Variants in MTMR3 observed in about 807,000 individuals in gnomAD.
MTMR3 encodes myotubularin related protein 3, also known as phosphatidylinositol-3,5-bisphosphate 3-phosphatase MTMR3.
MTMR3 carries 32 observed loss-of-function variants against 132.4 expected under a neutral mutation model. The observed-to-expected ratio is 0.24, with a 90% confidence interval of 0.18 to 0.32. The LOEUF (loss-of-function observed/expected upper bound fraction) is 0.32, where lower values mean the gene tolerates loss of function less well. Ranked by LOEUF, MTMR3 falls within the 10% of genes least tolerant of loss-of-function variation. The pLI is 1.00. For synonymous variants in MTMR3, 556 were observed against 550.3 expected, an observed-to-expected ratio of 1.01 and a Z score of -0.14; for missense variants, 1,216 against 1,489.6, an observed-to-expected ratio of 0.82 and a Z score of 3.02.
chr22:29,900,751 G>T (rs1297732086), intron 1 of MTMR3, among the ~76,000 whole-genome samples: 1 of 152,136 alleles, frequency 6.6e-6, no homozygotes, highest in East Asian at 1.9e-4. Flanking sequence ...GTCTCACTCT[G>T]TCACCCAGGG....
At chr22:29,946,225 A>G (rs1016766862) in intron 1 of MTMR3, among the ~76,000 whole-genome samples, 1 of 152,226 alleles carries the variant, frequency 6.6e-6, no homozygotes, top group Admixed American at 6.5e-5. Context: ...TGGAATACCT[A>G]GAACAACTGT....
chr22:30,019,840 C>A lies in MTMR3; in HGVS notation c.2181C>A (p.Ser727Arg). The A allele has an allele frequency of 6.2e-7, 1 of 1,614,162 alleles. No homozygotes were observed. Among genetic ancestry groups the A allele is most frequent in the Non-Finnish European group, 8.5e-7 (1 of 1,180,016 alleles). Residue 727 changes from serine (S) to arginine (R), a missense_variant, in exon 17 of 20, where the codon AGC becomes AGA. Around this residue, in one of 7 missense-constraint regions of MTMR3, gnomAD observed 852 missense variants for 852.0 expected, o/e 1.00. Coordinates refer to ENST00000401950, the MANE Select transcript of MTMR3 (RefSeq NM_021090.4). Reference sequence around the variant, plus strand: ...AGGACCCTCTCTTAGAAAAGGAGAGCAGGAGGAAGACACCTGAGGCCTCAG... The same window carrying A: ...AGGACCCTCTCTTAGAAAAGGAGAGAAGGAGGAAGACACCTGAGGCCTCAG... ...GKEDPLLEKE[S>R]RRKTPEASAI...
Position 30,025,806 on chromosome 22 carries a change from C to T in MTMR3, c.*5C>T, listed in dbSNP as rs754355752. On this transcript the variant is annotated 3_prime_UTR_variant, in exon 20 of 20. Transcript: ENST00000401950. ...ATTGCTGCCACTTCCAACTGAAGCT[C>T]AGTGACCTGGGTGGGCAGTGGCCAA... The T allele has an allele frequency of 3.1e-6, 5 of 1,613,790 alleles. No individual in the cohort carries two copies. Among genetic ancestry groups the T allele is most frequent in the Non-Finnish European group, 4.2e-6 (5 of 1,180,012 alleles).
At chr22:29,976,526 C>G (rs2066632843) in intron 3 of MTMR3, among the ~76,000 whole-genome samples, 1 of 152,156 alleles carries the variant, frequency 6.6e-6, no homozygotes, top group Non-Finnish European at 1.5e-5. Flanking sequence ...AAAAAGACTT[C>G]TACTTAAGGG....
intron 2 of MTMR3, among the ~76,000 whole-genome samples, chr22:29,959,576 A>G (rs1215292830): frequency 6.6e-6 from 1 of 151,804 alleles, no homozygotes; most frequent in Non-Finnish European, 1.5e-5. Context: ...ACGGGGTTTC[A>G]CTATGTTGGC....
intron 12 of MTMR3, chr22:30,011,896 T>A (rs762625602): frequency 3.7e-4 from 57 of 155,248 alleles, no homozygotes; most frequent in Non-Finnish European, 7.7e-4. Flanking sequence ...ATCCAGCTTA[T>A]GTCTCATAGA....
In MTMR3 at chr22:30,007,078, A is replaced by G. The variant is rs2067288456; in HGVS notation, c.672-36A>G. 2.2e-5 allele frequency: 35 copies of G among 1,608,010 alleles called. No homozygotes were observed. In the East Asian group the frequency reaches 7.6e-4, roughly 35 times the overall value. ...TTTGTGTGAGTACAGAGAGCATCTG[A>G]ATGGGTACAGTTGTTGTCTCTTGTT... On this transcript the variant is annotated intron_variant, in intron 9 of 19. Transcript: ENST00000401950.
chr22:30,010,382 T>C (rs2145944423), intron 12 of MTMR3: 1 of 152,302 alleles, frequency 6.6e-6, no homozygotes, highest in South Asian at 2.1e-4. Flanking sequence ...TCCACATAAA[T>C]GTCTTGGGGA....
At chr22:29,996,865 C>G (rs2067071940) in intron 7 of MTMR3, 1 of 152,118 alleles carries the variant, frequency 6.6e-6, no homozygotes, top group Non-Finnish European at 1.5e-5. Flanking sequence ...GTAGCTGGGA[C>G]TATAGGCATG....
chr22:29,906,979 G>A (rs1405594042), intron 1 of MTMR3, among the ~76,000 whole-genome samples: 2 of 152,024 alleles, frequency 1.3e-5, no homozygotes, highest in Admixed American at 6.6e-5. Flanking sequence ...TCGGGAGGCC[G>A]AGGCAGGAGA....
At chr22:29,969,220 AG>A (rs1569029389) in intron 2 of MTMR3, among the ~76,000 whole-genome samples, 1 of 152,222 alleles carries the variant, frequency 6.6e-6, no homozygotes, top group Non-Finnish European at 1.5e-5. Flanking sequence ...GCATGGCACG[AG>A]AAGAATAGAT....
intron 7 of MTMR3, chr22:29,994,096 T>C (rs756542773): frequency 1.1e-5 from 11 of 985,250 alleles, no homozygotes; most frequent in Non-Finnish European, 9.6e-6. Context: ...GCTGCAGAGT[T>C]CAATTCAGTA....
At chr22:29,898,114 T>G (rs1307132311) in intron 1 of MTMR3, among the ~76,000 whole-genome samples, 2 of 152,170 alleles carry the variant, frequency 1.3e-5, no homozygotes, top group Admixed American at 1.3e-4. Flanking sequence ...TAGCTGGGAT[T>G]ACAAGTGTGA....
intron 3 of MTMR3, among the ~76,000 whole-genome samples, chr22:29,973,702 C>T (rs940563186): frequency 5.3e-5 from 8 of 152,270 alleles, no homozygotes; most frequent in Admixed American, 2.0e-4. Context: ...TGGGTACAAG[C>T]GATTCTCCTG....
intron 3 of MTMR3, among the ~76,000 whole-genome samples, chr22:29,973,577 C>T (rs1273767012): frequency 6.6e-6 from 1 of 152,126 alleles, no homozygotes; most frequent in Non-Finnish European, 1.5e-5. Context: ...GATTAATTGA[C>T]TGGTCATCAG....
At chr22:29,954,255 AATTTTATTTT>A (rs992526196) in intron 1 of MTMR3, among the ~76,000 whole-genome samples, 1 of 151,220 alleles carries the variant, frequency 6.6e-6, no homozygotes, top group Non-Finnish European at 1.5e-5. Context: ...CTAATTAAAA[AATTTTATTTT>A]ATTTTATTTT....
rs529434010 is a variant in MTMR3, at chr22:29,900,388, A to C, written c.-138+17029A>C. On this transcript the variant is annotated intron_variant, in intron 1 of 19. Transcript: ENST00000401950. ...GTAGGTGAAATTCACGTAAAATAAT[A>C]GGAATATAGAGTACTGTTGCTAAAT... 1.8e-4 allele frequency among the ~76,000 whole-genome samples: 27 copies of C among 152,318 alleles called. No homozygotes were observed. In the South Asian group the frequency reaches 5.4e-3, roughly 30 times the overall value.
At chr22:29,960,042 C>T (rs1292093533) in intron 2 of MTMR3, among the ~76,000 whole-genome samples, 1 of 151,468 alleles carries the variant, frequency 6.6e-6, no homozygotes, top group African/African-American at 2.4e-5. Flanking sequence ...GTTGGTCTTA[C>T]AGGTGTGAGC....
intron 1 of MTMR3, among the ~76,000 whole-genome samples, chr22:29,934,833 G>T (rs566967804): frequency 6.6e-6 from 1 of 152,164 alleles, no homozygotes. Flanking sequence ...AAGATAGTGC[G>T]TAAAAAGTAC....
Sources: allele counts gnomAD v4.1 joint callset (sites outside exome capture counted in the v4.1 genomes callset), GRCh38; gene constraint gnomAD v4.1.1; regional missense constraint gnomAD v4.1.1; transcripts MANE v1.5; gene names NCBI Gene and HGNC (gene_info 2026-07-23, HGNC 2026-07-21).